Variants in EXOC6 observed in about 807,000 individuals in gnomAD.
EXOC6 encodes SEC15-like 1.
A neutral mutation model predicts 112.5 loss-of-function variants in EXOC6; 60 were observed. That is an observed-to-expected ratio of 0.53 (90% CI 0.43 to 0.66). The LOEUF is 0.66. Ranked by LOEUF, EXOC6 falls within the 30% of genes least tolerant of loss-of-function variation. The pLI is 0.00. For missense variants in EXOC6, 855 were observed against 957.1 expected, an observed-to-expected ratio of 0.89 and a Z score of 1.41; for synonymous variants, 295 against 308.0, an observed-to-expected ratio of 0.96 and a Z score of 0.44.
intron 1 of EXOC6, among the ~76,000 whole-genome samples, chr10:92,829,269 G>A (rs1846433976): frequency 6.6e-6 from 1 of 152,088 alleles, no homozygotes; most frequent in African/African-American, 2.4e-5. Context: ...CAGCCAATCT[G>A]TGCGCCCTAT....
At chr10:92,894,457 A>G (rs970580690) in intron 2 of EXOC6, among the ~76,000 whole-genome samples, 1 of 152,208 alleles carries the variant, frequency 6.6e-6, no homozygotes, top group African/African-American at 2.4e-5. Flanking sequence ...TGAATGGCAC[A>G]TAGACCTCAT....
chr10:92,933,029 C>A (rs2133950616), intron 9 of EXOC6, among the ~76,000 whole-genome samples: 1 of 151,932 alleles, frequency 6.6e-6, no homozygotes, highest in East Asian at 1.9e-4. Flanking sequence ...AGAGTAACTA[C>A]TGAAGGAATA....
intron 18 of EXOC6, among the ~76,000 whole-genome samples, chr10:92,991,328 C>A (rs751155366): frequency 6.7e-6 from 1 of 149,380 alleles, no homozygotes; most frequent in Non-Finnish European, 1.5e-5. Flanking sequence ...CACAGCTACT[C>A]GGGAGGCTGA....
In EXOC6 at chr10:92,939,878, A is replaced by G. The variant is rs538690651; in HGVS notation, c.1213-849A>G. 5.3e-5 allele frequency among the ~76,000 whole-genome samples: 8 copies of G among 152,242 alleles called. No homozygotes were observed. The East Asian group carries it at 1.5e-3, about 29-fold the overall frequency. On this transcript the variant is annotated intron_variant, in intron 12 of 21. Transcript: ENST00000260762. Reference sequence around the variant, plus strand: ...TGATATTTAGGAGATAGTCTGTGACATTGTTGAGTAGTTTAAATAAAGGAA... The same window carrying G: ...TGATATTTAGGAGATAGTCTGTGACGTTGTTGAGTAGTTTAAATAAAGGAA...
intron 6 of EXOC6, among the ~76,000 whole-genome samples, chr10:92,912,101 C>T (rs1056939059): frequency 5.3e-5 from 8 of 150,714 alleles, no homozygotes; most frequent in Admixed American, 1.3e-4. Context: ...AAGCAGCCCC[C>T]GCCTTTGGGT....
chr10:93,021,208 A>G (rs1844769812), intron 20 of EXOC6, among the ~76,000 whole-genome samples: 1 of 151,910 alleles, frequency 6.6e-6, no homozygotes, highest in Non-Finnish European at 1.5e-5. Context: ...AGGGTCAGGC[A>G]TGGTGGCTCA....
intron 12 of EXOC6, among the ~76,000 whole-genome samples, chr10:92,937,659 A>G (rs757298374): frequency 2.6e-5 from 4 of 152,160 alleles, no homozygotes; most frequent in Non-Finnish European, 4.4e-5. Context: ...TGATGACTGT[A>G]TAATACTGAT....
At chr10:92,936,186 A>G (rs555933544) in intron 12 of EXOC6, among the ~76,000 whole-genome samples, 8 of 152,350 alleles carry the variant, frequency 5.3e-5, no homozygotes, top group Non-Finnish European at 1.2e-4. Context: ...ACCGTGAACT[A>G]GAAATTAGAA....
chr10:92,980,866 A>T (rs1842801750), intron 18 of EXOC6, among the ~76,000 whole-genome samples: 1 of 152,192 alleles, frequency 6.6e-6, no homozygotes, highest in African/African-American at 2.4e-5. Context: ...TTGTTAAAAG[A>T]TCATCATTGT....
rs528958776 is a variant in EXOC6 at position 92,893,343 on chromosome 10, A to G, written c.102-6A>G. On this transcript the variant is annotated splice_region_variant and splice_polypyrimidine_tract_variant and intron_variant, in intron 1 of 21. Coordinates refer to ENST00000260762, the MANE Select transcript of EXOC6 (RefSeq NM_019053.6). ...GGTTAATTTTAGCTTTCTTATATACATTCAGGTCTGTGTATGATGACCAAC... is the reference window on the plus strand; with the variant it reads ...GGTTAATTTTAGCTTTCTTATATACGTTCAGGTCTGTGTATGATGACCAAC... The G allele has an allele frequency of 1.3e-6, 2 of 1,595,990 alleles. No individual in the cohort carries two copies. Among genetic ancestry groups the G allele is most frequent in the African/African-American group, 2.7e-5 (2 of 74,162 alleles).
chr10:92,946,487 T>C (rs1024602783), intron 13 of EXOC6, among the ~76,000 whole-genome samples: 1 of 152,234 alleles, frequency 6.6e-6, no homozygotes, highest in African/African-American at 2.4e-5. Flanking sequence ...CGTCACCTTT[T>C]ATTTAGATTA....
At chr10:92,886,248 GA>G (rs1422663902) in intron 1 of EXOC6, among the ~76,000 whole-genome samples, 25 of 151,928 alleles carry the variant, frequency 1.6e-4, no homozygotes, top group South Asian at 6.2e-4. Context: ...ATCATTTAAA[GA>G]AAAAAAGAAA....
chr10:92,983,500 C>CTT (rs11349490), intron 18 of EXOC6, among the ~76,000 whole-genome samples: 59 of 109,258 alleles, frequency 5.4e-4, no homozygotes, highest in African/African-American at 1.6e-3. Flanking sequence ...CTTTCTTCTT[C>CTT]TTTTTTTTTT....
chr10:92,881,562 G>A (rs1235350416), intron 1 of EXOC6, among the ~76,000 whole-genome samples: 2 of 152,134 alleles, frequency 1.3e-5, no homozygotes, highest in African/African-American at 4.8e-5. Context: ...TCTATTGCTT[G>A]TGCACTTACA....
chr10:92,880,748 TGA>T (rs1848923170), intron 1 of EXOC6, among the ~76,000 whole-genome samples: 1 of 152,054 alleles, frequency 6.6e-6, no homozygotes, highest in Non-Finnish European at 1.5e-5. Context: ...AGCTGAAATT[TGA>T]AGGAAGTTTA....
chr10:92,829,612 C>T (rs1020315817), intron 1 of EXOC6, among the ~76,000 whole-genome samples: 1 of 152,218 alleles, frequency 6.6e-6, no homozygotes, highest in African/African-American at 2.4e-5. Flanking sequence ...CAATGAAACA[C>T]ATGAACATGT....
rs1851552904 is a variant in EXOC6, at chr10:92,923,475, T to C, written c.888+3425T>C. On this transcript the variant is annotated intron_variant, in intron 8 of 21. Transcript: ENST00000260762. ...TGGCTACAGGTCTCTTATGAGATTC[T>C]AGTCAAGATGTCATGAGGACTGCTG... is the stretch of plus-strand genomic sequence containing the variant. 2.0e-5 allele frequency among the ~76,000 whole-genome samples: 3 copies of C among 152,196 alleles called. No homozygotes were observed. The South Asian group carries it at 6.2e-4, about 32-fold the overall frequency.
chr10:93,010,211 A>C (rs777797121), intron 19 of EXOC6, among the ~76,000 whole-genome samples: 1 of 152,208 alleles, frequency 6.6e-6, no homozygotes, highest in Non-Finnish European at 1.5e-5. Flanking sequence ...CCCCTAAAAA[A>C]ATTTGAGAAA....
At chr10:92,960,879 T>C in intron 17 of EXOC6, among the ~76,000 whole-genome samples, 1 of 152,208 alleles carries the variant, frequency 6.6e-6, no homozygotes, top group East Asian at 1.9e-4. Flanking sequence ...TTGAATTCAA[T>C]ATGGTATTCC....
Sources: gnomAD v4.1 joint callset for allele counts (sites outside exome capture counted in the v4.1 genomes callset) on GRCh38, gnomAD v4.1.1 for gene constraint, MANE v1.5 for transcripts, NCBI Gene and HGNC (gene_info 2026-07-23, HGNC 2026-07-21) for gene names.